The following KAZN variants were observed in gnomAD, a reference collection of about 807,000 sequenced individuals.
KAZN encodes kazrin, periplakin interacting protein.
Under a neutral mutation model 87.4 loss-of-function variants are expected in KAZN, and 40 were observed. That is an observed-to-expected ratio of 0.46 (90% CI 0.36 to 0.60). The LOEUF (loss-of-function observed/expected upper bound fraction) is 0.60, where lower values mean the gene tolerates loss of function less well. Ranked by LOEUF, KAZN falls within the 20% of genes least tolerant of loss-of-function variation. The probability of loss-of-function intolerance (pLI) is 0.00; values close to 1 mark genes in which losing one functional copy is unlikely to be tolerated. For missense variants in KAZN, 898 were observed against 1,073.9 expected (o/e 0.84, Z 2.29); for synonymous variants, 466 against 458.3 (o/e 1.02, Z -0.22).
intron 1 of KAZN, among the ~76,000 whole-genome samples, chr1:14,603,564 A>T (rs1490957019): frequency 6.6e-6 from 1 of 152,194 alleles, no homozygotes; most frequent in Non-Finnish European, 1.5e-5. Flanking sequence ...TCTTAAGTCA[A>T]GTCTCTGATT....
chr1:14,875,237 A>G (rs750750958), intron 1 of KAZN, among the ~76,000 whole-genome samples: 1 of 151,018 alleles, frequency 6.6e-6, no homozygotes, highest in Non-Finnish European at 1.5e-5. Context: ...AGGCTGAGGC[A>G]GGAGAATCAC....
At chr1:14,000,306 C>T (rs142928702) in intron 1 of KAZN, among the ~76,000 whole-genome samples, 2,716 of 152,326 alleles carry the variant, frequency 0.018, 52 homozygotes, top group Non-Finnish European at 0.026. Context: ...CAATAAAATA[C>T]TGGCAAACCA....
intron 1 of KAZN, among the ~76,000 whole-genome samples, chr1:14,062,377 CTG>C (rs1403221574): frequency 6.6e-6 from 1 of 152,144 alleles, no homozygotes; most frequent in Admixed American, 6.5e-5. Flanking sequence ...AGGCACTACA[CTG>C]TGCAAAAGAG....
At chr1:14,794,467 T>C (rs917086320) in intron 1 of KAZN, among the ~76,000 whole-genome samples, 3 of 152,106 alleles carry the variant, frequency 2.0e-5, no homozygotes, top group Non-Finnish European at 4.4e-5. Context: ...CCTCCCCTAC[T>C]AAATGGGTGT....
chr1:14,063,317 G>A (rs966455113), intron 1 of KAZN, among the ~76,000 whole-genome samples: 4 of 152,132 alleles, frequency 2.6e-5, no homozygotes, highest in African/African-American at 9.7e-5. Context: ...TAACTAGAAA[G>A]TAAGTAACAA....
intron 1 of KAZN, among the ~76,000 whole-genome samples, chr1:14,083,840 T>C (rs1643766505): frequency 6.6e-6 from 1 of 152,228 alleles, no homozygotes; most frequent in Non-Finnish European, 1.5e-5. Flanking sequence ...CTGATTACTT[T>C]ATCCTCATGA....
intron 2 of KAZN, among the ~76,000 whole-genome samples, chr1:14,423,633 T>C (rs555742374): frequency 1.3e-5 from 2 of 152,298 alleles, no homozygotes; most frequent in South Asian, 4.1e-4. Context: ...ATCCAAATCC[T>C]CTTCCCAGTA....
chr1:14,081,032 G>T (rs997585787), intron 1 of KAZN, among the ~76,000 whole-genome samples: 15 of 151,810 alleles, frequency 9.9e-5, no homozygotes, highest in Admixed American at 2.6e-4. Context: ...GCTAGCAAGG[G>T]TTCATTCACC....
rs372484645 is a variant in KAZN at position 13,962,068 on chromosome 1, C to T, written c.91+68312C>T. Among the ~76,000 whole-genome samples the T allele has an allele frequency of 1.1e-4, 17 of 152,272 alleles. No homozygotes were observed. The East Asian group carries it at 2.9e-3, about 26-fold the overall frequency. ...CTTGCTGGCTGGAGCGTTGGCCATG[C>T]AGGAACGAACATTTGTCCTCTTTTT... On this transcript the variant is annotated intron_variant, in intron 1 of 16. Coordinates refer to the KAZN transcript ENST00000636203.
At chr1:14,533,442 G>T (rs1231528927) in intron 2 of KAZN, among the ~76,000 whole-genome samples, 1 of 152,130 alleles carries the variant, frequency 6.6e-6, no homozygotes, top group East Asian at 1.9e-4. Flanking sequence ...ATTGGATATT[G>T]GTAGATTTTG....
intron 2 of KAZN, among the ~76,000 whole-genome samples, chr1:14,998,325 A>C (rs148182409): frequency 0.014 from 2,071 of 152,170 alleles, 47 homozygotes; most frequent in African/African-American, 0.041. Context: ...GCATCAACTC[A>C]AATATAGGTA....
intron 2 of KAZN, among the ~76,000 whole-genome samples, chr1:15,006,088 G>T (rs1421873114): frequency 2.0e-5 from 3 of 152,210 alleles, no homozygotes; most frequent in Admixed American, 6.5e-5. Context: ...TGAGACCTGG[G>T]GTTCTGGGGT....
chr1:14,562,131 C>T (rs1482726258), intron 2 of KAZN, among the ~76,000 whole-genome samples: 5 of 152,230 alleles, frequency 3.3e-5, no homozygotes, highest in African/African-American at 9.6e-5. Flanking sequence ...TGAGGACACA[C>T]GACTGCCATT....
chr1:14,116,914 T>A (rs1644635034), intron 1 of KAZN, among the ~76,000 whole-genome samples: 2 of 152,242 alleles, frequency 1.3e-5, no homozygotes, highest in African/African-American at 4.8e-5. Context: ...CAGATTTGAC[T>A]GCCCTGCTGG....
intron 2 of KAZN, among the ~76,000 whole-genome samples, chr1:15,033,509 A>G (rs1671946343): frequency 6.6e-6 from 1 of 152,220 alleles, no homozygotes; most frequent in Non-Finnish European, 1.5e-5. Flanking sequence ...TTCCAAAAGC[A>G]GCTGCACCAT....
intron 2 of KAZN, among the ~76,000 whole-genome samples, chr1:14,219,535 G>A (rs1476761829): frequency 3.3e-5 from 5 of 152,100 alleles, no homozygotes; most frequent in Non-Finnish European, 5.9e-5. Flanking sequence ...CATTGGACAG[G>A]CAGACCTGTA....
chr1:14,022,485 C>CAAAAAAAAAAAAAAAAAAAAAAAAAAAA (rs58713618), intron 1 of KAZN, among the ~76,000 whole-genome samples: 3 of 110,476 alleles, frequency 2.7e-5, no homozygotes, highest in Non-Finnish European at 3.5e-5. Flanking sequence ...GTATTTAAAG[C>CAAAAAAAAAAAAAAAAAAAAAAAAAAAA]AAAAAAAAAA....
chr1:14,597,744 G>A (rs1397967872), upstream of KAZN, among the ~76,000 whole-genome samples: 2 of 152,040 alleles, frequency 1.3e-5, no homozygotes, highest in Non-Finnish European at 2.9e-5. Flanking sequence ...GAGGGTTGCT[G>A]GCTGTTTTAA....
intron 2 of KAZN, among the ~76,000 whole-genome samples, chr1:14,409,730 C>A (rs1664151383): frequency 6.6e-6 from 1 of 152,136 alleles, no homozygotes; most frequent in East Asian, 1.9e-4. Context: ...GGAAAAACTT[C>A]ACCATGTGCA....
Sources: allele counts gnomAD v4.1 joint callset (sites outside exome capture counted in the v4.1 genomes callset), GRCh38; gene constraint gnomAD v4.1.1; transcripts MANE v1.5; gene names NCBI Gene and HGNC (gene_info 2026-07-23, HGNC 2026-07-21).